NSD1: variants seen among roughly 807,000 people sequenced by gnomAD.
NSD1 encodes nuclear receptor binding SET domain protein 1.
NSD1 carries 26 observed loss-of-function variants against 242.7 expected under a neutral mutation model. That is an observed-to-expected ratio of 0.11 (90% CI 0.08 to 0.15). The LOEUF is 0.15. NSD1 is among the 10% of genes least tolerant of loss of function. The pLI is 1.00. For synonymous variants in NSD1, 1,106 were observed against 1,178.1 expected, an observed-to-expected ratio of 0.94 and a Z score of 1.25; for missense variants, 2,495 against 3,272.8, an observed-to-expected ratio of 0.76 and a Z score of 5.80.
chr5:177,283,589 C>T (rs1443365981), intron 19 of NSD1, among the ~76,000 whole-genome samples, 198 bp from the exon 20 acceptor site: 5 of 152,226 alleles, frequency 3.3e-5, no homozygotes, highest in African/African-American at 4.8e-5. Context: ...CAGGAATTTG[C>T]ATGTCTAACA....
At chr5:177,264,736 G>T in intron 14 of NSD1, 2 of 704,326 alleles carry the variant, frequency 2.8e-6, no homozygotes, top group African/African-American at 3.5e-5. Context: ...CCTTTTGGCC[G>T]AAACTGCCAT....
At chr5:177,275,170 C>T (rs937484107) in intron 17 of NSD1, among the ~76,000 whole-genome samples, 2 of 151,714 alleles carry the variant, frequency 1.3e-5, no homozygotes, top group South Asian at 2.1e-4. Flanking sequence ...CGTTGTTTGT[C>T]AGAAATTCAG....
rs1434231150 is a variant in NSD1, at chr5:177,211,531, C to A, written c.3132C>A (p.Asn1044Lys). Reference sequence around the variant, plus strand: ...CCCAAATGGTAAAGAACACAGTGAACCGTAAAGCCTTAAAGACCGAGCGCA... The same window carrying A: ...CCCAAATGGTAAAGAACACAGTGAAACGTAAAGCCTTAAAGACCGAGCGCA... ...FSAQMVKNTV[N>K]RKALKTERKR... The change falls in exon 5 of 23, where the codon AAC (asparagine) becomes AAA (lysine). Residue 1044 changes from asparagine to lysine, a missense_variant. Physicochemically the swap from Asn to Lys is moderately conservative, Grantham distance 94 (BLOSUM62 0). Transcript: ENST00000439151. The A allele has an allele frequency of 6.2e-7, 1 of 1,613,954 alleles. No homozygotes were observed. The highest frequency in any genetic ancestry group is 8.5e-7 in the Non-Finnish European group (1 of 1,180,032).
chr5:177,220,278 A>G lies in NSD1; in HGVS notation c.3796+8083A>G, dbSNP rs1459795753. On this transcript the variant is annotated intron_variant, in intron 5 of 22. Coordinates refer to ENST00000439151, the MANE Select transcript of NSD1 (RefSeq NM_022455.5). ...TTCCTGATGAATTGACTGTTTTATT[A>G]TCATATCATGTGTTCCTTTGTCTCT... is the stretch of plus-strand genomic sequence containing the variant. Among the ~76,000 whole-genome samples, 5 of 152,138 alleles carry G rather than the reference A, an allele frequency of 3.3e-5. No individual in the cohort carries two copies. In the East Asian group the frequency reaches 9.6e-4, roughly 29 times the overall value.
chr5:177,135,597 A>C lies in NSD1; in HGVS notation c.494A>C (p.Asp165Ala). 1 of 1,614,230 alleles carries C rather than the reference A, an allele frequency of 6.2e-7. No individual in the cohort carries two copies. Among genetic ancestry groups the C allele is most frequent in the Non-Finnish European group, 8.5e-7 (1 of 1,180,040 alleles). Reference protein sequence around the residue: ...NFTCVDDADVDSEMDPEQPVT... With the variant: ...NFTCVDDADVASEMDPEQPVT... The stretch of plus-strand genomic sequence containing the variant: ...ACTTGTGTGGACGATGCAGATGTAG[A>C]TTCTGAAATGGACCCAGAACAGCCA... The change falls in exon 2 of 23, where the codon GAT becomes GCT. Residue 165 changes from aspartate to alanine, a missense_variant. By Grantham distance (126) the Asp-to-Ala change is moderately radical. Coordinates refer to ENST00000439151, the MANE Select transcript of NSD1 (RefSeq NM_022455.5).
At chr5:177,283,539 C>G (rs548698680) in intron 19 of NSD1, among the ~76,000 whole-genome samples, 1 of 152,284 alleles carries the variant, frequency 6.6e-6, no homozygotes, top group East Asian at 1.9e-4. Flanking sequence ...CAGAATGCTG[C>G]ACCCCACAGT....
chr5:177,215,483 T>C (rs1212058936), intron 5 of NSD1, among the ~76,000 whole-genome samples: 1 of 151,736 alleles, frequency 6.6e-6, no homozygotes, highest in Non-Finnish European at 1.5e-5. Context: ...GTGATGTTCA[T>C]TTCTTTTGGA....
intron 11 of NSD1, among the ~76,000 whole-genome samples, chr5:177,249,368 G>A (rs1278731220): frequency 2.0e-5 from 3 of 151,844 alleles, no homozygotes; most frequent in African/African-American, 7.3e-5. Flanking sequence ...CATACCTGTA[G>A]CCCAACAGGT....
At chr5:177,260,253 A>G (rs1344417793) in intron 14 of NSD1, 85 bp downstream of exon 14, 1 of 1,275,422 alleles carries the variant, frequency 7.8e-7, no homozygotes, top group Non-Finnish European at 1.1e-6. Context: ...TTTTCATCAT[A>G]TTGCCACTGG....
Position 177,281,522 on chromosome 5 carries a change from A to G in NSD1, c.5892+688A>G, listed in dbSNP as rs74854853. Among the ~76,000 whole-genome samples the G allele has an allele frequency of 4.3e-3, 650 of 152,298 alleles. 3 individuals carry two copies. Among genetic ancestry groups the G allele is most frequent in the African/African-American group, 0.014 (594 of 41,550 alleles). On this transcript the variant is annotated intron_variant, in intron 18 of 22. Transcript: ENST00000439151. ...AACCAAGACGAGAGATATGGCCTAT[A>G]CTTTCATAAAATTTACATTTCGGAG... is the stretch of plus-strand genomic sequence containing the variant.
At chr5:177,169,470 G>T (rs1270204296) in intron 2 of NSD1, 2 of 158,296 alleles carry the variant, frequency 1.3e-5, no homozygotes, top group South Asian at 1.7e-4. Flanking sequence ...GCTCTCAATT[G>T]GTCGTTGTCA....
chr5:177,264,371 A>G (rs1757247933), intron 14 of NSD1, among the ~76,000 whole-genome samples: 1 of 152,190 alleles, frequency 6.6e-6, no homozygotes. Flanking sequence ...CATTGCAACT[A>G]TACACTGTGG....
chr5:177,189,629 G>A (rs905243179), intron 2 of NSD1, among the ~76,000 whole-genome samples: 3 of 152,108 alleles, frequency 2.0e-5, no homozygotes. Flanking sequence ...TGTAACCACA[G>A]GCATGTAGTA....
At chr5:177,215,236 A>G (rs1483295369) in intron 5 of NSD1, among the ~76,000 whole-genome samples, 1 of 151,238 alleles carries the variant, frequency 6.6e-6, no homozygotes, top group East Asian at 1.9e-4. Context: ...CCGGAGTGCA[A>G]TGGCACAATC....
chr5:177,163,142 C>CTCT (rs1758892961), intron 2 of NSD1, among the ~76,000 whole-genome samples: 1 of 133,134 alleles, frequency 7.5e-6, no homozygotes. Flanking sequence ...TGAAATGTCT[C>CTCT]TTTTTTTTTT....
intron 16 of NSD1, among the ~76,000 whole-genome samples, chr5:177,270,913 A>G (rs1008898631): frequency 6.6e-6 from 1 of 152,214 alleles, no homozygotes; most frequent in African/African-American, 2.4e-5. Flanking sequence ...ACAAAAATAC[A>G]TAGTACTGTG....
Position 177,252,477 on chromosome 5 carries a change from G to A in NSD1, c.4765+624G>A, listed in dbSNP as rs981421369. Among the ~76,000 whole-genome samples the A allele has an allele frequency of 3.4e-5, 5 of 147,952 alleles. No homozygotes were observed. The Admixed American group carries it at 3.4e-4, about 10-fold the overall frequency. Reference sequence around the variant, plus strand: ...AATGCTTAGATTGGGTTAGAAAATAGGAATAGTCAGCTGAGACCAGCTGGT... The same window carrying A: ...AATGCTTAGATTGGGTTAGAAAATAAGAATAGTCAGCTGAGACCAGCTGGT... On this transcript the variant is annotated intron_variant, in intron 12 of 22. Transcript: ENST00000439151.
intron 11 of NSD1, among the ~76,000 whole-genome samples, chr5:177,249,227 G>A (rs888325939): frequency 6.6e-6 from 1 of 152,100 alleles, no homozygotes; most frequent in Admixed American, 6.6e-5. Context: ...CAATCACAGT[G>A]CTTCTGGAAG....
chr5:177,173,118 C>T (rs1759853901), intron 2 of NSD1, among the ~76,000 whole-genome samples: 2 of 151,372 alleles, frequency 1.3e-5, no homozygotes. Flanking sequence ...ACAGTAAAAC[C>T]TGTCTCTACT....
Sources: gnomAD v4.1 joint callset for allele counts (sites outside exome capture counted in the v4.1 genomes callset) on GRCh38, gnomAD v4.1.1 for gene constraint, MANE v1.5 for transcripts, NCBI Gene and HGNC (gene_info 2026-07-23, HGNC 2026-07-21) for gene names.